TSPAN5: variants seen among roughly 807,000 people sequenced by gnomAD.
The protein encoded by TSPAN5 is tetraspanin-5.
In TSPAN5, 10 loss-of-function variants were observed where a neutral mutation model predicts 37.1. The observed-to-expected ratio is 0.27, with a 90% CI of 0.17 to 0.46. The LOEUF is 0.46. TSPAN5 is among the 20% of genes least tolerant of loss of function. TSPAN5 has a pLI of 1.00. For missense variants in TSPAN5, 195 were observed against 326.6 expected (o/e 0.60, Z 3.11); for synonymous variants, 110 against 118.9 (o/e 0.93, Z 0.48).
chr4:98,637,731 G>T (rs1056118929), intron 1 of TSPAN5, among the ~76,000 whole-genome samples: 3 of 152,128 alleles, frequency 2.0e-5, no homozygotes, highest in African/African-American at 7.2e-5. Flanking sequence ...CTGAACAAAT[G>T]TCCCCACTTG....
chr4:98,523,788 A>G (rs1430326000), intron 1 of TSPAN5, among the ~76,000 whole-genome samples: 1 of 152,222 alleles, frequency 6.6e-6, no homozygotes, highest in Admixed American at 6.5e-5. Flanking sequence ...GTTAAAACAG[A>G]AAGTATAAAG....
At chr4:98,619,945 C>A (rs1756443568) in intron 1 of TSPAN5, among the ~76,000 whole-genome samples, 1 of 152,150 alleles carries the variant, frequency 6.6e-6, no homozygotes, top group Admixed American at 6.5e-5. Context: ...GATCTAATTA[C>A]CTCCTAAAAG....
At chr4:98,634,960 T>C (rs1218649400) in intron 1 of TSPAN5, among the ~76,000 whole-genome samples, 2 of 152,166 alleles carry the variant, frequency 1.3e-5, no homozygotes, top group African/African-American at 2.4e-5. Context: ...GACAGACCTG[T>C]GAGTGATTTG....
chr4:98,535,780 G>A (rs531584415), intron 1 of TSPAN5, among the ~76,000 whole-genome samples: 26 of 152,102 alleles, frequency 1.7e-4, no homozygotes, highest in Non-Finnish European at 3.2e-4. Flanking sequence ...ATTTCATTAA[G>A]TTGATCTTCA....
rs200304430 is a variant in TSPAN5, at chr4:98,654,857, G to GT, written c.81+3288dup. On this transcript the variant is annotated intron_variant, in intron 1 of 7. Transcript: ENST00000305798. ...AAGGTTTTTTGTTTTGCTTTGTTTT[G>GT]TTTTTTTTGAGACGGAGTCTTGCTC... 2.7e-3 allele frequency among the ~76,000 whole-genome samples: 414 copies of GT among 152,052 alleles called. 5 individuals are homozygous for GT. The highest frequency in any genetic ancestry group is 9.0e-3 in the African/African-American group (375 of 41,486).
intron 1 of TSPAN5, among the ~76,000 whole-genome samples, chr4:98,617,927 G>T (rs1250249123): frequency 6.6e-6 from 1 of 152,198 alleles, no homozygotes; most frequent in Non-Finnish European, 1.5e-5. Context: ...AGATATCCAA[G>T]AAACCATCTG....
chr4:98,627,454 T>C (rs1756634114), intron 1 of TSPAN5, among the ~76,000 whole-genome samples: 1 of 151,462 alleles, frequency 6.6e-6, no homozygotes. Context: ...CACGAGTAAA[T>C]GCAATGCATC....
At chr4:98,585,941 CT>C (rs1373819932) in intron 1 of TSPAN5, among the ~76,000 whole-genome samples, 1 of 152,216 alleles carries the variant, frequency 6.6e-6, no homozygotes, top group East Asian at 1.9e-4. Context: ...TGAAATTTTG[CT>C]CTCTAGCTGC....
At chr4:98,517,012 C>A (rs1189035898) in intron 1 of TSPAN5, among the ~76,000 whole-genome samples, 1 of 152,170 alleles carries the variant, frequency 6.6e-6, no homozygotes, top group East Asian at 1.9e-4. Flanking sequence ...CACCCAGTCT[C>A]GGGTATTCTA....
intron 1 of TSPAN5, among the ~76,000 whole-genome samples, chr4:98,647,741 T>C (rs1757098897): frequency 6.6e-6 from 1 of 152,182 alleles, no homozygotes; most frequent in African/African-American, 2.4e-5. Context: ...TTAAAAATTA[T>C]ACCTTGTGAT....
intron 1 of TSPAN5, among the ~76,000 whole-genome samples, chr4:98,545,600 G>A (rs940888389): frequency 6.6e-6 from 1 of 152,174 alleles, no homozygotes. Flanking sequence ...TGTGATATCG[G>A]CTCATTACAA....
intron 1 of TSPAN5, among the ~76,000 whole-genome samples, chr4:98,639,550 G>A (rs1756922335): frequency 7.0e-6 from 1 of 143,676 alleles, no homozygotes; most frequent in Non-Finnish European, 1.5e-5. Context: ...TTGAACTCCT[G>A]GCCTAAAGCA....
At chr4:98,553,541 T>C (rs1452048728) in intron 1 of TSPAN5, among the ~76,000 whole-genome samples, 1 of 152,160 alleles carries the variant, frequency 6.6e-6, no homozygotes, top group Admixed American at 6.5e-5. Flanking sequence ...TGTTTGTCCA[T>C]TAAAACTTCG....
intron 1 of TSPAN5, among the ~76,000 whole-genome samples, chr4:98,610,860 G>C (rs1029169413): frequency 6.6e-6 from 1 of 151,990 alleles, no homozygotes; most frequent in Non-Finnish European, 1.5e-5. Flanking sequence ...TTTTAGTACT[G>C]AACTCCCCTA....
chr4:98,638,369 A>G (rs1756900290), intron 1 of TSPAN5, among the ~76,000 whole-genome samples: 1 of 152,152 alleles, frequency 6.6e-6, no homozygotes, highest in Non-Finnish European at 1.5e-5. Context: ...CATCAGGTCT[A>G]AGGGAGCTGA....
intron 1 of TSPAN5, among the ~76,000 whole-genome samples, chr4:98,600,369 T>A (rs1314612101): frequency 6.6e-6 from 1 of 152,184 alleles, no homozygotes; most frequent in Non-Finnish European, 1.5e-5. Context: ...CTCTGTAACA[T>A]GTTATGCTGT....
At chr4:98,558,735 A>G (rs1754809756) in intron 1 of TSPAN5, among the ~76,000 whole-genome samples, 1 of 152,176 alleles carries the variant, frequency 6.6e-6, no homozygotes, top group Non-Finnish European at 1.5e-5. Context: ...GTTCACCCTT[A>G]GCGAGCCTCA....
chr4:98,624,938 GAAC>G, intron 1 of TSPAN5, among the ~76,000 whole-genome samples: 1 of 152,130 alleles, frequency 6.6e-6, no homozygotes, highest in Non-Finnish European at 1.5e-5. Context: ...AGGCATTAAT[GAAC>G]GTATTTTTAG....
intron 1 of TSPAN5, among the ~76,000 whole-genome samples, chr4:98,633,234 T>C (rs1348599918): frequency 6.6e-6 from 1 of 152,196 alleles, no homozygotes; most frequent in Non-Finnish European, 1.5e-5. Context: ...ATCTCCTTAG[T>C]ACAGCATGAA....
Sources: gnomAD v4.1 joint callset for allele counts (sites outside exome capture counted in the v4.1 genomes callset) on GRCh38, gnomAD v4.1.1 for gene constraint, MANE v1.5 for transcripts, NCBI Gene and HGNC (gene_info 2026-07-23, HGNC 2026-07-21) for gene names.